Variants in CATSPERG observed in about 807,000 individuals in gnomAD.
CATSPERG encodes the protein catsper channel auxiliary subunit gamma.
Under a neutral mutation model 145.0 loss-of-function variants are expected in CATSPERG, and 115 were observed. The observed-to-expected ratio is 0.79, with a 90% CI of 0.68 to 0.93. The LOEUF (loss-of-function observed/expected upper bound fraction) is 0.93. CATSPERG is among the 40% of genes least tolerant of loss of function. The probability of loss-of-function intolerance (pLI) is 0.00; values close to 1 mark genes in which losing one functional copy is unlikely to be tolerated. For missense variants in CATSPERG, 1,296 were observed against 1,490.1 expected, an observed-to-expected ratio of 0.87 and a Z score of 2.14; for synonymous variants, 588 against 589.0, an observed-to-expected ratio of 1.00 and a Z score of 0.02.
chr19:38,349,648 T>TTGTTTG (rs1555730446), intron 7 of CATSPERG: 1 of 149,884 alleles, frequency 6.7e-6, no homozygotes, highest in African/African-American at 2.4e-5. Context: ...CATTGTTTTT[T>TTGTTTG]TTTGTTTGTT....
intron 13 of CATSPERG, 100 bp downstream of exon 13, chr19:38,358,661 A>AG (rs1175201858): frequency 4.4e-5 from 62 of 1,422,512 alleles, no homozygotes; most frequent in Non-Finnish European, 2.9e-5. Flanking sequence ...AGTCTCACCA[A>AG]GCCTTCAAAG....
intron 3 of CATSPERG, among the ~76,000 whole-genome samples, chr19:38,339,469 G>A (rs1373324237): frequency 2.0e-5 from 3 of 152,108 alleles, no homozygotes; most frequent in African/African-American, 7.2e-5. Context: ...TGTCAGACAT[G>A]CAAGCCCTGC....
At chr19:38,355,860 A>G (rs1484959478) in intron 9 of CATSPERG, among the ~76,000 whole-genome samples, 1 of 152,176 alleles carries the variant, frequency 6.6e-6, no homozygotes, top group African/African-American at 2.4e-5. Context: ...ATAGTAATTA[A>G]TTATAGCACA....
At chr19:38,364,810 TG>T in intron 20 of CATSPERG, 80 bp from the exon 21 acceptor site, 1 of 1,105,476 alleles carries the variant, frequency 9.0e-7, no homozygotes, top group Non-Finnish European at 1.4e-6. Flanking sequence ...GCCCCAGCTA[TG>T]GGTTATTTGA....
chr19:38,369,385 T>C, intron 26 of CATSPERG: 2 of 178,704 alleles, frequency 1.1e-5, no homozygotes, highest in Non-Finnish European at 2.4e-5. Context: ...CTCAGCCTCC[T>C]GTGTAGCTGG....
In CATSPERG at chr19:38,370,757, C is replaced by T. The variant is rs147619980; in HGVS notation, c.3445C>T (p.Pro1149Ser). ...CAGGATGACAGAGGACAGGGCTGAA[C>T]CCAAGGAAGCCGTGGAGAGACAGTT... is the stretch of plus-strand genomic sequence containing the variant. ...SSRMTEDRAE[P>S]KEAVERQLMT is the part of the protein sequence containing the mutation. Residue 1149 changes from proline to serine, a missense_variant, in exon 29 of 29, where the codon CCC becomes TCC. Physicochemically the swap from Pro to Ser is moderately conservative, Grantham distance 74 (BLOSUM62 -1). Coordinates refer to ENST00000409235, the MANE Select transcript of CATSPERG (RefSeq NM_021185.5). 3,531 of 1,614,082 alleles carry T rather than the reference C, an allele frequency of 2.2e-3. 9 individuals carry two copies. Among genetic ancestry groups the T allele is most frequent in the Non-Finnish European group, 2.7e-3 (3,154 of 1,180,012 alleles).
At chr19:38,338,428 G>A (rs937114262) in intron 3 of CATSPERG, among the ~76,000 whole-genome samples, 6 of 152,314 alleles carry the variant, frequency 3.9e-5, no homozygotes, top group African/African-American at 1.4e-4. Flanking sequence ...GATTACAGGC[G>A]TGAGCCACCT....
rs146516371 is a variant in CATSPERG at position 38,354,799 on chromosome 19, C to T, written c.1087C>T (p.Leu363Phe). 191 of 1,613,988 alleles carry T rather than the reference C, an allele frequency of 1.2e-4. No individual in the cohort carries two copies. The highest frequency in any genetic ancestry group is 4.7e-4 in the Admixed American group (28 of 59,990). Residue 363 changes from leucine (L) to phenylalanine (F), a missense_variant, in exon 9 of 29, where the codon CTC (leucine) becomes TTC (phenylalanine). By Grantham distance (22) the Leu-to-Phe change is conservative (BLOSUM62 0). Coordinates refer to ENST00000409235, the MANE Select transcript of CATSPERG (RefSeq NM_021185.5). ...HSNGSEYIMA[L>F]TTGKHEGYVH... Reference sequence around the variant, plus strand: ...CAATGGCTCTGAGTACATAATGGCCCTCACCACGGGCAAGCATGAGGGTTA... The same window carrying T: ...CAATGGCTCTGAGTACATAATGGCCTTCACCACGGGCAAGCATGAGGGTTA...
chr19:38,356,927 C>A, intron 11 of CATSPERG, 66 bp downstream of exon 11: 1 of 1,587,250 alleles, frequency 6.3e-7, no homozygotes, highest in South Asian at 1.2e-5. Context: ...ACTGCATGCC[C>A]ATCCTGAGGG....
chr19:38,365,075 C>T lies in CATSPERG; in HGVS notation c.2571C>T (p.Ser857=), dbSNP rs199784174. The T allele has an allele frequency of 9.4e-4, 1,515 of 1,613,954 alleles. 28 individuals are homozygous for T. The South Asian group carries it at 0.015, about 16-fold the overall frequency. Residue 857 remains serine, a synonymous_variant, in exon 22 of 29, where the codon TCC becomes TCT. Coordinates refer to ENST00000409235, the MANE Select transcript of CATSPERG (RefSeq NM_021185.5). ...TSMTVNVVGS[S]GLCFQETHLG... ...CCTACCCACAGGTGGTGGGTTCATCCGGGCTCTGCTTCCAGGAAACACACC... is the reference window on the plus strand; with the variant it reads ...CCTACCCACAGGTGGTGGGTTCATCTGGGCTCTGCTTCCAGGAAACACACC...
At chr19:38,368,186 T>G in intron 26 of CATSPERG, 49 bp downstream of exon 26, 1 of 1,525,028 alleles carries the variant, frequency 6.6e-7, no homozygotes, top group South Asian at 1.1e-5. Context: ...CGGTAGTCCA[T>G]TGGGCCCACC....
intron 8 of CATSPERG, among the ~76,000 whole-genome samples, chr19:38,353,030 A>G (rs1474820434): frequency 2.3e-5 from 2 of 85,168 alleles, no homozygotes; most frequent in African/African-American, 7.3e-5. Flanking sequence ...CCTGTTTCAA[A>G]AAAAAAAAAA....
At chr19:38,336,850 C>A (rs548774805) in intron 1 of CATSPERG, among the ~76,000 whole-genome samples, 1 of 151,750 alleles carries the variant, frequency 6.6e-6, no homozygotes, top group East Asian at 2.0e-4. Context: ...GGCGGCGGGG[C>A]GGAACGAGGC....
intron 3 of CATSPERG, 125 bp from the exon 4 acceptor site, chr19:38,343,455 A>C (rs1969970970): frequency 3.5e-6 from 3 of 854,636 alleles, no homozygotes; most frequent in South Asian, 3.6e-5. Flanking sequence ...TCCTCTGACC[A>C]TCACATGGTG....
intron 16 of CATSPERG, 85 bp from the exon 17 acceptor site, chr19:38,361,563 G>A: frequency 9.2e-7 from 1 of 1,081,606 alleles, no homozygotes; most frequent in Non-Finnish European, 1.3e-6. Flanking sequence ...ACGGGAAGTG[G>A]GTGGGGTGGG....
In CATSPERG at chr19:38,337,200, G is replaced by T. The variant is rs1336921331; in HGVS notation, c.-14-21G>T. ...CCAGAGAGCTGTCCGGCGCGTGGGT[G>T]TTGACTCCTGCGTTCTCCAGGTTCT... On this transcript the variant is annotated intron_variant, in intron 1 of 28. Coordinates refer to ENST00000409235, the MANE Select transcript of CATSPERG (RefSeq NM_021185.5). 4 of 1,546,294 alleles carry T rather than the reference G, an allele frequency of 2.6e-6. No homozygotes were observed. In the South Asian group the frequency reaches 4.8e-5, roughly 18 times the overall value.
chr19:38,360,549 C>T lies in CATSPERG; in HGVS notation c.1669C>T (p.Gln557Ter). Residue 557 changes from glutamine (Q) to a stop codon, truncating the protein, a stop_gained, in exon 15 of 29, where the codon CAG becomes TAG. Coordinates refer to ENST00000409235, the MANE Select transcript of CATSPERG (RefSeq NM_021185.5). LOFTEE classifies it high-confidence loss of function. ...CCAGCTGTTCCCTTCCAAGGGCTGG[C>T]AGGTGCACATCAGCTTAAAGCTGAT... ...VYQLFPSKGW[Q>*]VHISLKLMQQ... is the part of the protein sequence containing the mutation. 1 of 1,614,178 alleles carries T rather than the reference C, an allele frequency of 6.2e-7. No homozygotes were observed. The highest frequency in any genetic ancestry group is 8.5e-7 in the Non-Finnish European group (1 of 1,180,028).
At chr19:38,370,091 G>A (rs1417018898) in intron 27 of CATSPERG, 27 bp downstream of exon 27, 39 of 1,613,302 alleles carry the variant, frequency 2.4e-5, no homozygotes, top group Middle Eastern at 1.6e-4. Flanking sequence ...GCCCAGGTGC[G>A]GGTCAGGGGC....
chr19:38,365,348 G>T (rs1158704484), intron 22 of CATSPERG: 3 of 495,984 alleles, frequency 6.0e-6, no homozygotes, highest in Non-Finnish European at 1.1e-5. Flanking sequence ...CGCGGTCTTG[G>T]CTCACTTTGC....
Sources: gnomAD v4.1 joint callset for allele counts (sites outside exome capture counted in the v4.1 genomes callset) on GRCh38, gnomAD v4.1.1 for gene constraint, MANE v1.5 for transcripts, NCBI Gene and HGNC (gene_info 2026-07-23, HGNC 2026-07-21) for gene names.